CNTN1: variants seen among roughly 807,000 people sequenced by gnomAD.
The protein encoded by CNTN1 is contactin-1.
Under a neutral mutation model 126.4 loss-of-function variants are expected in CNTN1, and 38 were observed. That is an observed-to-expected ratio of 0.30 (90% confidence interval 0.23 to 0.39). The LOEUF (loss-of-function observed/expected upper bound fraction) is 0.39. Among genes scored for constraint, CNTN1 ranks in the 10% least tolerant of loss-of-function variants. The pLI, the probability that CNTN1 is intolerant of heterozygous loss-of-function variation, is 1.00. For synonymous variants in CNTN1, 413 were observed against 422.6 expected, an observed-to-expected ratio of 0.98 and a Z score of 0.28; for missense variants, 1,009 against 1,248.4, an observed-to-expected ratio of 0.81 and a Z score of 2.89.
At chr12:40,754,038 G>A (rs1306486357) in intron 1 of CNTN1, among the ~76,000 whole-genome samples, 1 of 151,962 alleles carries the variant, frequency 6.6e-6, no homozygotes, top group East Asian at 1.9e-4. Flanking sequence ...AAAGTTATCA[G>A]TTGATATTCC....
chr12:40,944,671 C>T (rs79074766), intron 14 of CNTN1, among the ~76,000 whole-genome samples: 2,370 of 138,340 alleles, frequency 0.017, 32 homozygotes, highest in South Asian at 0.024. Flanking sequence ...AAAGGTGTTA[C>T]ATTCTACAAG....
At chr12:40,750,971 G>A (rs1199697256) in intron 1 of CNTN1, among the ~76,000 whole-genome samples, 1 of 152,054 alleles carries the variant, frequency 6.6e-6, no homozygotes, top group African/African-American at 2.4e-5. Flanking sequence ...GTCATAACTT[G>A]AAGAATTTCA....
intron 23 of CNTN1, 67 bp downstream of exon 23, chr12:41,029,286 A>AC: frequency 6.5e-7 from 1 of 1,543,334 alleles, no homozygotes; most frequent in Non-Finnish European, 9.0e-7. Flanking sequence ...GTGGATTCCC[A>AC]AGGGTAGGGA....
chr12:40,775,796 A>G (rs1427095921), intron 1 of CNTN1, among the ~76,000 whole-genome samples: 1 of 151,608 alleles, frequency 6.6e-6, no homozygotes, highest in Non-Finnish European at 1.5e-5. Flanking sequence ...TAACTAAGAC[A>G]ATGGTGACTT....
intron 1 of CNTN1, among the ~76,000 whole-genome samples, chr12:40,825,955 G>A (rs1941602536): frequency 6.6e-6 from 1 of 152,084 alleles, no homozygotes; most frequent in African/African-American, 2.4e-5. Context: ...CAAAGTTGCA[G>A]TCTTTGTTTC....
intron 14 of CNTN1, among the ~76,000 whole-genome samples, chr12:40,950,097 GGTGTGT>G (rs59713493): frequency 0.025 from 3,578 of 145,270 alleles, 99 homozygotes; most frequent in African/African-American, 0.073. Flanking sequence ...GTGTTGAGAG[GGTGTGT>G]GTGTGTGTGT....
chr12:40,909,060 TAAG>T (rs1944934806), intron 2 of CNTN1, among the ~76,000 whole-genome samples: 1 of 152,128 alleles, frequency 6.6e-6, no homozygotes, highest in Middle Eastern at 3.2e-3. Context: ...AATCACTTCT[TAAG>T]AGCTATAAGC....
At position 41,002,554 on chromosome 12, in the gene CNTN1, C is replaced by CTT. The variant is rs200237008; in HGVS notation, c.2113+9287_2113+9288dup. On this transcript the variant is annotated intron_variant, in intron 17 of 23. Transcript: ENST00000551295. ...CTTTTGGGCTGAGACTATAGGGTTT[C>CTT]TTTCTTTTTTTTTTTTTTTTTGAGA... Among the ~76,000 whole-genome samples, 183 of 131,454 alleles carry CTT rather than the reference C, an allele frequency of 1.4e-3. 5 individuals are homozygous for CTT. Among genetic ancestry groups the CTT allele is most frequent in the Middle Eastern group, 3.9e-3 (1 of 258 alleles). 86.2% of individuals were successfully genotyped at this position (131,454 alleles called of 152,430 possible).
intron 12 of CNTN1, among the ~76,000 whole-genome samples, chr12:40,941,047 G>C (rs1183550388): frequency 6.6e-6 from 1 of 152,068 alleles, no homozygotes; most frequent in Non-Finnish European, 1.5e-5. Flanking sequence ...TTCAACCAAG[G>C]ATTTCCCAGA....
intron 23 of CNTN1, among the ~76,000 whole-genome samples, chr12:41,032,511 G>A (rs1479033933): frequency 6.6e-6 from 1 of 152,022 alleles, no homozygotes; most frequent in Non-Finnish European, 1.5e-5. Flanking sequence ...TTTCTCTGTT[G>A]ACATTTCTCT....
At chr12:40,980,021 ATTAC>A (rs1348130491) in intron 15 of CNTN1, among the ~76,000 whole-genome samples, 1 of 152,198 alleles carries the variant, frequency 6.6e-6, no homozygotes, top group East Asian at 1.9e-4. Context: ...CATTTTTAAT[ATTAC>A]TTATTCTTAT....
At chr12:40,892,570 TATC>T (rs1202960292) in intron 1 of CNTN1, among the ~76,000 whole-genome samples, 2 of 152,068 alleles carry the variant, frequency 1.3e-5, no homozygotes, top group African/African-American at 2.4e-5. Context: ...AAACAATCAT[TATC>T]ACTGGCATAT....
chr12:40,841,174 C>G (rs568102091), intron 1 of CNTN1, among the ~76,000 whole-genome samples: 1 of 151,746 alleles, frequency 6.6e-6, no homozygotes, highest in South Asian at 2.1e-4. Flanking sequence ...ACCAACTATA[C>G]ACTGAAAAAC....
chr12:41,057,764 A>T (rs949933407), intron 23 of CNTN1, among the ~76,000 whole-genome samples: 5 of 151,750 alleles, frequency 3.3e-5, no homozygotes, highest in Non-Finnish European at 1.5e-5. Flanking sequence ...TTTTGGCGTG[A>T]TTTTTTTTAT....
intron 1 of CNTN1, among the ~76,000 whole-genome samples, chr12:40,836,077 CGT>C (rs1298879491): frequency 3.8e-4 from 39 of 103,664 alleles, no homozygotes; most frequent in African/African-American, 1.3e-3. Flanking sequence ...TGTATATATA[CGT>C]ACATATACAG....
chr12:41,040,423 G>A (rs1319165397), intron 23 of CNTN1, among the ~76,000 whole-genome samples: 1 of 152,058 alleles, frequency 6.6e-6, no homozygotes, highest in Non-Finnish European at 1.5e-5. Context: ...ACAGACATAG[G>A]ATATACATTT....
intron 1 of CNTN1, chr12:40,728,999 T>C (rs1330513430): frequency 6.6e-6 from 1 of 152,652 alleles, no homozygotes; most frequent in Admixed American, 6.5e-5. Context: ...TTCTGGACTG[T>C]AGAAGGTGAT....
intron 23 of CNTN1, among the ~76,000 whole-genome samples, chr12:41,054,163 T>C (rs1450936555): frequency 6.6e-6 from 1 of 151,874 alleles, no homozygotes; most frequent in Non-Finnish European, 1.5e-5. Flanking sequence ...AAAGTCTCTA[T>C]ACTATCCTTT....
intron 23 of CNTN1, among the ~76,000 whole-genome samples, chr12:41,031,204 G>A (rs1483869967): frequency 6.6e-6 from 1 of 152,158 alleles, no homozygotes; most frequent in Non-Finnish European, 1.5e-5. Context: ...ACTGGTAAAT[G>A]TTAAACAGTA....
Sources: gnomAD v4.1 joint callset for allele counts (sites outside exome capture counted in the v4.1 genomes callset) on GRCh38, gnomAD v4.1.1 for gene constraint, MANE v1.5 for transcripts, NCBI Gene and HGNC (gene_info 2026-07-23, HGNC 2026-07-21) for gene names.